CSMD2: variants seen among roughly 807,000 people sequenced by gnomAD.
The protein encoded by CSMD2 is CUB and Sushi multiple domains 2.
CSMD2 carries 130 observed loss-of-function variants against 398.5 expected under a neutral mutation model. The ratio of observed to expected loss-of-function variants is 0.33; its 90% CI spans 0.28 to 0.38. The LOEUF is 0.38. Among genes scored for constraint, CSMD2 ranks in the 10% least tolerant of loss-of-function variants. The probability of loss-of-function intolerance (pLI) is 1.00; values close to 1 mark genes in which losing one functional copy is unlikely to be tolerated. For synonymous variants in CSMD2, 1,828 were observed against 1,908.5 expected, an observed-to-expected ratio of 0.96 and a Z score of 1.10; for missense variants, 3,829 against 4,764.9, an observed-to-expected ratio of 0.80 and a Z score of 5.78.
chr1:34,066,974 T>C (rs1028441350), intron 2 of CSMD2, among the ~76,000 whole-genome samples: 17 of 152,158 alleles, frequency 1.1e-4, no homozygotes, highest in Non-Finnish European at 1.9e-4. Flanking sequence ...ATCGATGGTA[T>C]TGGCAAGCCT....
chr1:33,709,521 G>A (rs1336776571), intron 21 of CSMD2: 11 of 489,312 alleles, frequency 2.2e-5, no homozygotes, highest in Non-Finnish European at 3.6e-5. Context: ...AGAAACAGAC[G>A]CTAACCCACC....
intron 9 of CSMD2, among the ~76,000 whole-genome samples, chr1:33,813,485 G>A (rs1179382993): frequency 2.0e-5 from 3 of 152,132 alleles, no homozygotes; most frequent in African/African-American, 7.2e-5. Context: ...CTAAATGAAT[G>A]AACATATCAT....
chr1:33,824,059 T>A (rs1383105443), intron 7 of CSMD2, among the ~76,000 whole-genome samples: 1 of 152,110 alleles, frequency 6.6e-6, no homozygotes, highest in Non-Finnish European at 1.5e-5. Context: ...GGATTTTGCA[T>A]CCCCATTCTA....
At chr1:34,032,385 A>G (rs945708527) in intron 3 of CSMD2, among the ~76,000 whole-genome samples, 5 of 152,236 alleles carry the variant, frequency 3.3e-5, no homozygotes, top group African/African-American at 4.8e-5. Flanking sequence ...ACTACTGCAC[A>G]TGAGCTTTGA....
intron 5 of CSMD2, among the ~76,000 whole-genome samples, chr1:33,893,033 T>C (rs900765429): frequency 1.3e-5 from 2 of 152,228 alleles, no homozygotes; most frequent in African/African-American, 4.8e-5. Flanking sequence ...CCTAGCATAA[T>C]AGTATCTGTA....
At chr1:33,782,122 T>C (rs983562789) in intron 12 of CSMD2, among the ~76,000 whole-genome samples, 2 of 152,030 alleles carry the variant, frequency 1.3e-5, no homozygotes, top group African/African-American at 4.8e-5. Context: ...ATGATGGATA[T>C]GGGAGGTCTC....
At chr1:33,706,504 G>C (rs1645783083) in intron 22 of CSMD2, among the ~76,000 whole-genome samples, 1 of 152,078 alleles carries the variant, frequency 6.6e-6, no homozygotes, top group Non-Finnish European at 1.5e-5. Flanking sequence ...ATTCTCTTAA[G>C]AATACAAATT....
chr1:33,587,343 C>T (rs1639156891), intron 44 of CSMD2, among the ~76,000 whole-genome samples, 175 bp from the exon 45 acceptor site: 1 of 152,158 alleles, frequency 6.6e-6, no homozygotes, highest in African/African-American at 2.4e-5. Flanking sequence ...TATCTTCTGT[C>T]ATCCTTATTG....
chr1:34,075,077 C>A (rs1656174674), intron 2 of CSMD2, among the ~76,000 whole-genome samples: 1 of 152,242 alleles, frequency 6.6e-6, no homozygotes, highest in Non-Finnish European at 1.5e-5. Flanking sequence ...TGATACCTGG[C>A]ATTCCTGTTA....
chr1:33,894,365 G>A (rs1420861947), intron 5 of CSMD2, among the ~76,000 whole-genome samples: 1 of 152,284 alleles, frequency 6.6e-6, no homozygotes. Flanking sequence ...CCCTGTGCTC[G>A]AAGGCTTTTT....
intron 31 of CSMD2, among the ~76,000 whole-genome samples, chr1:33,634,516 CAA>C (rs1408104831): frequency 2.0e-5 from 3 of 152,172 alleles, no homozygotes; most frequent in Non-Finnish European, 4.4e-5. Flanking sequence ...AGTCCTCCTA[CAA>C]AGAGGAGATC....
intron 55 of CSMD2, 99 bp downstream of exon 55, chr1:33,557,635 C>T (rs1658142898): frequency 3.0e-6 from 3 of 991,900 alleles, no homozygotes; most frequent in East Asian, 2.6e-5. Context: ...CACACACACA[C>T]ACACACACAC....
Position 33,542,873 on chromosome 1 carries a change from T to C in CSMD2, c.9124A>G (p.Thr3042Ala). 6.2e-7 allele frequency: 1 copy of C among 1,613,866 alleles called. No homozygotes were observed. Among genetic ancestry groups the C allele is most frequent in the Non-Finnish European group, 8.5e-7 (1 of 1,179,970 alleles). ...CGVISCGNPGTPSNARVVFSD... is the reference protein window; with the variant it reads ...CGVISCGNPGAPSNARVVFSD... ...AACACAACTCGGGCATTACTTGGAGTCCCAGGGTTCCCACAAGAGATCACT... is the reference window on the plus strand; with the variant it reads ...AACACAACTCGGGCATTACTTGGAGCCCCAGGGTTCCCACAAGAGATCACT... The change falls in exon 58 of 71, where the codon ACT becomes GCT. Residue 3042 changes from threonine (T) to alanine (A), a missense_variant. Coordinates refer to ENST00000373381, the MANE Select transcript of CSMD2 (RefSeq NM_001281956.2).
chr1:34,164,711 GGGT>G lies in CSMD2; in HGVS notation c.187+197_187+199del, dbSNP rs779980386. Among the ~76,000 whole-genome samples the G allele has an allele frequency of 6.6e-5, 10 of 152,054 alleles. No individual in the cohort carries two copies. Among genetic ancestry groups the G allele is most frequent in the Non-Finnish European group, 8.8e-5 (6 of 67,986 alleles). On this transcript the variant is annotated intron_variant, in intron 1 of 70. Coordinates refer to ENST00000373381, the MANE Select transcript of CSMD2 (RefSeq NM_001281956.2). This position sits in a 1 kb window ranked among gnomAD's most constrained non-coding sequence, Gnocchi z 6.2. ...GGGGTTGGGGCAGCAGTGAGGGTGAGGGTGGAGGTGAGGACGTGGCTGAGGGTG... is the reference window on the plus strand; with the variant it reads ...GGGGTTGGGGCAGCAGTGAGGGTGAGGGAGGTGAGGACGTGGCTGAGGGTG...
At chr1:33,627,264 G>T (rs989636386) in intron 32 of CSMD2, among the ~76,000 whole-genome samples, 1 of 152,198 alleles carries the variant, frequency 6.6e-6, no homozygotes, top group Non-Finnish European at 1.5e-5. Context: ...AACCAGGGTA[G>T]ACTGACAGCT....
intron 4 of CSMD2, among the ~76,000 whole-genome samples, chr1:33,932,614 CAA>C (rs1553255992): frequency 2.0e-5 from 3 of 152,144 alleles, no homozygotes; most frequent in African/African-American, 7.2e-5. Flanking sequence ...TGCCTGGACA[CAA>C]AGACACTGGG....
At chr1:34,046,393 A>G (rs1570927886) in intron 2 of CSMD2, among the ~76,000 whole-genome samples, 1 of 152,328 alleles carries the variant, frequency 6.6e-6, no homozygotes, top group East Asian at 1.9e-4. Flanking sequence ...AGTTATTTGG[A>G]CCTAACTACT....
intron 7 of CSMD2, 28 bp from the exon 8 acceptor site, chr1:33,820,584 A>AAC (rs1658015550): frequency 7.1e-6 from 8 of 1,132,810 alleles, no homozygotes; most frequent in African/African-American, 1.6e-5. Context: ...AAAAAAAAAA[A>AAC]AAAACAGCAC....
intron 6 of CSMD2, among the ~76,000 whole-genome samples, chr1:33,831,409 C>T (rs1237506607): frequency 2.6e-5 from 4 of 152,102 alleles, no homozygotes; most frequent in Non-Finnish European, 5.9e-5. Flanking sequence ...TCCAGCCAAA[C>T]TAAGCTTCAT....
Sources: gnomAD v4.1 joint callset for allele counts (sites outside exome capture counted in the v4.1 genomes callset) on GRCh38, gnomAD v4.1.1 for gene constraint, Gnocchi (gnomAD v3.1) non-coding constraint, MANE v1.5 for transcripts, NCBI Gene and HGNC (gene_info 2026-07-23, HGNC 2026-07-21) for gene names.